The following ANKS3 variants were observed in gnomAD, a reference collection of about 807,000 sequenced individuals.
The protein encoded by ANKS3 is ankyrin repeat and sterile alpha motif domain containing 3.
In ANKS3, 62 loss-of-function variants were observed where a neutral mutation model predicts 80.7. That is an observed-to-expected ratio of 0.77 (90% CI 0.63 to 0.95). The LOEUF (loss-of-function observed/expected upper bound fraction) is 0.95. ANKS3 is among the 40% of genes least tolerant of loss of function. The probability of loss-of-function intolerance (pLI) is 0.00; values close to 1 mark genes in which losing one functional copy is unlikely to be tolerated. For synonymous variants in ANKS3, 489 were observed against 355.3 expected, an observed-to-expected ratio of 1.38 and a Z score of -4.23; for missense variants, 1,150 against 883.6, an observed-to-expected ratio of 1.30 and a Z score of -3.82.
In ANKS3 at chr16:4,706,751, G is replaced by A. The variant is rs117493770; in HGVS notation, c.710-1498C>T. Among the ~76,000 whole-genome samples the A allele has an allele frequency of 3.7e-4, 56 of 152,308 alleles. 1 individual carries two copies. In the East Asian group the frequency reaches 0.011, roughly 29 times the overall value. On this transcript the variant is annotated intron_variant, in intron 7 of 17. Coordinates refer to ENST00000304283, the MANE Select transcript of ANKS3 (RefSeq NM_133450.4). ...CAGGAGGAAATGATGAGATCTCCTT[G>A]TGGAGTGGGTAAGCTGGGGCAGAAA...
At chr16:4,725,939 T>G in intron 5 of ANKS3, among the ~76,000 whole-genome samples, 1 of 151,310 alleles carries the variant, frequency 6.6e-6, no homozygotes, top group Admixed American at 6.6e-5. Context: ...ATTACAGGTG[T>G]GAGCCACTGA....
chr16:4,716,479 G>T (rs1251115342), intron 6 of ANKS3, among the ~76,000 whole-genome samples: 1 of 152,076 alleles, frequency 6.6e-6, no homozygotes, highest in African/African-American at 2.4e-5. Flanking sequence ...TGTAGTTGGT[G>T]GGGGAGGCAG....
intron 6 of ANKS3, among the ~76,000 whole-genome samples, chr16:4,718,828 C>T (rs527752626): frequency 2.0e-5 from 3 of 152,146 alleles, no homozygotes; most frequent in Non-Finnish European, 4.4e-5. Context: ...GTTCCTGAGT[C>T]TGATAATTTT....
chr16:4,710,711 A>G (rs2080439153), intron 7 of ANKS3, among the ~76,000 whole-genome samples: 1 of 152,238 alleles, frequency 6.6e-6, no homozygotes, highest in African/African-American at 2.4e-5. Context: ...CCCTGTCACA[A>G]AAAATAAATC....
At chr16:4,701,312 A>G in intron 10 of ANKS3, 122 bp downstream of exon 10, 1 of 1,309,572 alleles carries the variant, frequency 7.6e-7, no homozygotes, top group Non-Finnish European at 1.1e-6. Flanking sequence ...AGCACGTCCC[A>G]GTGCAGCACA....
chr16:4,703,412 G>GC (rs1053002732), intron 8 of ANKS3, among the ~76,000 whole-genome samples: 2 of 143,612 alleles, frequency 1.4e-5, no homozygotes, highest in Non-Finnish European at 3.0e-5. Flanking sequence ...ACTGCACCTG[G>GC]CCCCCCCAAT....
intron 7 of ANKS3, among the ~76,000 whole-genome samples, chr16:4,706,822 T>C (rs906982007): frequency 6.6e-6 from 1 of 152,174 alleles, no homozygotes; most frequent in Non-Finnish European, 1.5e-5. Flanking sequence ...GTGTTTATTA[T>C]GAAACAATCC....
intron 7 of ANKS3, 29 bp from the exon 8 acceptor site, chr16:4,705,282 T>C (rs1169611791): frequency 1.1e-5 from 17 of 1,611,440 alleles, no homozygotes; most frequent in Non-Finnish European, 1.4e-5. Flanking sequence ...ATTAAGATAG[T>C]GTGTTCAGTA....
At chr16:4,713,568 C>A (rs550169643) in intron 7 of ANKS3, among the ~76,000 whole-genome samples, 7 of 152,002 alleles carry the variant, frequency 4.6e-5, no homozygotes, top group Non-Finnish European at 8.8e-5. Flanking sequence ...AATTTAAAAC[C>A]CTCCTGCAAG....
intron 13 of ANKS3, 39 bp from the exon 14 acceptor site, chr16:4,698,638 G>T: frequency 6.5e-7 from 1 of 1,533,748 alleles, no homozygotes; most frequent in Non-Finnish European, 8.7e-7. Context: ...CTGGGAGGTG[G>T]CCGGTCAAGC....
At chr16:4,702,027 G>C (rs573067033) in intron 9 of ANKS3, 75 bp downstream of exon 9, 1 of 1,475,020 alleles carries the variant, frequency 6.8e-7, no homozygotes, top group African/African-American at 1.4e-5. Context: ...AGGCCCAGGG[G>C]ATAAGTGGGG....
chr16:4,696,992 G>A (rs377265498), intron 17 of ANKS3, 25 bp downstream of exon 17: 20 of 1,608,926 alleles, frequency 1.2e-5, no homozygotes, highest in South Asian at 3.3e-5. Context: ...CCCACCACGC[G>A]GGATCCAGGC....
rs114131563 is a variant in ANKS3, at chr16:4,699,208, T to C, written c.1285-32A>G. 3,670 of 1,610,960 alleles carry C rather than the reference T, an allele frequency of 2.3e-3. 76 individuals are homozygous for C. In the African/African-American group the frequency reaches 0.043, roughly 19 times the overall value. The stretch of plus-strand genomic sequence containing the variant: ...GGCACAGGGGACAGGTTGGGGGAGG[T>C]AGTGGCTGACGACGAAGCAGAGACG... On this transcript the variant is annotated intron_variant, in intron 11 of 17. Coordinates refer to ENST00000304283, the MANE Select transcript of ANKS3 (RefSeq NM_133450.4).
At chr16:4,708,098 G>C (rs2080294012) in intron 7 of ANKS3, among the ~76,000 whole-genome samples, 1 of 148,432 alleles carries the variant, frequency 6.7e-6, no homozygotes, top group Admixed American at 6.8e-5. Context: ...CTGGGTGACA[G>C]AGTGAGACTA....
In ANKS3 at chr16:4,697,100, T is replaced by C. The variant is rs376675905; in HGVS notation, c.1899A>G (p.Gln633=). ...ALEDRVREMG[Q]ALCLVTQSLE... ...GGCTCTGGGTCACTAAGCACAGTGC[T>C]TGCCCTGAGGAATGATGACCTTGAG... The change falls in exon 17 of 18, where the codon CAA becomes CAG. Residue 633 remains glutamine (Q), a synonymous_variant. Coordinates refer to ENST00000304283, the MANE Select transcript of ANKS3 (RefSeq NM_133450.4). The C allele has an allele frequency of 1.1e-5, 18 of 1,613,406 alleles. No individual in the cohort carries two copies. In the African/African-American group the frequency reaches 1.9e-4, roughly 17 times the overall value.
At chr16:4,701,276 C>A in intron 10 of ANKS3, 142 bp from the exon 11 acceptor site, 1 of 1,423,218 alleles carries the variant, frequency 7.0e-7, no homozygotes, top group South Asian at 1.3e-5. Flanking sequence ...CGTTCGCTGT[C>A]GTCTGAGAAG....
At chr16:4,704,082 G>A (rs531350993) in intron 8 of ANKS3, among the ~76,000 whole-genome samples, 15 of 152,322 alleles carry the variant, frequency 9.8e-5, no homozygotes, top group East Asian at 9.7e-4. Flanking sequence ...GACGGGACAC[G>A]GGCGGGCCCT....
chr16:4,706,369 T>C (rs948281821), intron 7 of ANKS3, among the ~76,000 whole-genome samples: 1 of 152,068 alleles, frequency 6.6e-6, no homozygotes, highest in Non-Finnish European at 1.5e-5. Flanking sequence ...TAGCTGGGAC[T>C]ACAGGCACCC....
intron 7 of ANKS3, among the ~76,000 whole-genome samples, chr16:4,707,953 A>G (rs1450680210): frequency 6.6e-6 from 1 of 151,914 alleles, no homozygotes; most frequent in African/African-American, 2.4e-5. Context: ...CCTACTAAAA[A>G]TACAAAAAAA....
Sources: allele counts gnomAD v4.1 joint callset (sites outside exome capture counted in the v4.1 genomes callset), GRCh38; gene constraint gnomAD v4.1.1; transcripts MANE v1.5; gene names NCBI Gene and HGNC (gene_info 2026-07-23, HGNC 2026-07-21).